Variants in UNC5A observed in about 807,000 individuals in gnomAD.
UNC5A encodes unc-5 netrin receptor A.
A neutral mutation model predicts 87.4 loss-of-function variants in UNC5A; 20 were observed. The ratio of observed to expected loss-of-function variants is 0.23; its 90% confidence interval spans 0.16 to 0.33. The LOEUF is 0.33. Ranked by LOEUF, UNC5A falls within the 10% of genes least tolerant of loss-of-function variation. The pLI is 1.00. For synonymous variants in UNC5A, 438 were observed against 482.3 expected (o/e 0.91, Z 1.20); for missense variants, 844 against 1,133.4 (o/e 0.74, Z 3.67).
chr5:176,816,013 G>A (rs1328722913), intron 1 of UNC5A, among the ~76,000 whole-genome samples: 1 of 152,234 alleles, frequency 6.6e-6, no homozygotes, highest in Admixed American at 6.5e-5. Flanking sequence ...TGAGCAGAAC[G>A]AAATTCTAGT....
Position 176,848,817 on chromosome 5 carries a change from G to A in UNC5A, c.71-13807G>A, listed in dbSNP as rs374196555. Among the ~76,000 whole-genome samples the A allele has an allele frequency of 1.7e-4, 26 of 152,296 alleles. No individual in the cohort carries two copies. The highest frequency in any genetic ancestry group is 2.9e-4 in the Non-Finnish European group (20 of 68,024). On this transcript the variant is annotated intron_variant, in intron 1 of 14. Transcript: ENST00000329542. The surrounding 1 kb of genome is among the most constrained non-coding windows in gnomAD (Gnocchi z 5.8). ...TGGGCAGCCGCGGCCTGGGCCCTGC[G>A]CGTCTCGGGATTGCAGCTTCTCCCC...
intron 1 of UNC5A, among the ~76,000 whole-genome samples, chr5:176,852,061 CG>C (rs2113636995): frequency 6.6e-6 from 1 of 152,310 alleles, no homozygotes; most frequent in African/African-American, 2.4e-5. Context: ...AGCGCCCTGC[CG>C]GCTACCCTCT....
rs144742830 is a variant in UNC5A, at chr5:176,865,098, C to T, written c.292+2253C>T. ...GGGGGAAGCCATGAAATCTCACGTG[C>T]CCAGTCAGGACCCAGCACGGGGCCT... On this transcript the variant is annotated intron_variant, in intron 2 of 14. Coordinates refer to ENST00000329542, the MANE Select transcript of UNC5A (RefSeq NM_133369.3). This position sits in a 1 kb window ranked among gnomAD's most constrained non-coding sequence, Gnocchi z 5.3. The T allele has an allele frequency of 5.3e-3, 1,769 of 333,144 alleles. 26 individuals are homozygous for T. Among genetic ancestry groups the T allele is most frequent in the African/African-American group, 0.034 (1,551 of 45,630 alleles). 20.6% of individuals were successfully genotyped at this position (333,144 alleles called of 1,614,324 possible). A position where few individuals can be genotyped will look rare whatever the true frequency, so the allele number is the denominator to read the frequency against.
At chr5:176,832,393 G>A (rs974948335) in intron 1 of UNC5A, among the ~76,000 whole-genome samples, 7 of 152,182 alleles carry the variant, frequency 4.6e-5, no homozygotes, top group African/African-American at 1.2e-4. Context: ...CAAAGTCCAC[G>A]CCTGATCCAA....
chr5:176,812,961 G>GT (rs1440423914), intron 1 of UNC5A, among the ~76,000 whole-genome samples: 1 of 152,220 alleles, frequency 6.6e-6, no homozygotes, highest in Non-Finnish European at 1.5e-5. Context: ...GGTGAAAAAT[G>GT]TGTCTGTGAG....
intron 2 of UNC5A, among the ~76,000 whole-genome samples, chr5:176,864,294 C>T (rs1053775745): frequency 1.3e-5 from 2 of 152,184 alleles, no homozygotes; most frequent in African/African-American, 2.4e-5. Context: ...GGAGCGAGAG[C>T]GAACCCCGGG....
chr5:176,854,446 T>C (rs1757620332), intron 1 of UNC5A, among the ~76,000 whole-genome samples: 1 of 152,170 alleles, frequency 6.6e-6, no homozygotes, highest in African/African-American at 2.4e-5. Flanking sequence ...CAGGGAGTGC[T>C]CAGCCCCACT....
At position 176,877,894 on chromosome 5, in the gene UNC5A, G is replaced by A. The variant is rs1419838424; in HGVS notation, c.1636G>A (p.Asp546Asn). ...TTGACCCACTGACCCCTGCCCACAG[G>A]ATGTGCTGCACCTGGGCGAGGAGGC... ...KKQSCEGSWEDVLHLGEEAPS... is the reference protein window; with the variant it reads ...KKQSCEGSWENVLHLGEEAPS... The change falls in exon 11 of 15, where the codon GAT (aspartate) becomes AAT (asparagine). Residue 546 changes from aspartate to asparagine, a missense_variant and splice_region_variant. Coordinates refer to ENST00000329542, the MANE Select transcript of UNC5A (RefSeq NM_133369.3). The A allele has an allele frequency of 6.3e-7, 1 of 1,599,240 alleles. No homozygotes were observed. Among genetic ancestry groups the A allele is most frequent in the Non-Finnish European group, 8.5e-7 (1 of 1,177,512 alleles).
chr5:176,847,242 T>A (rs1561653069), intron 1 of UNC5A, among the ~76,000 whole-genome samples: 2 of 152,150 alleles, frequency 1.3e-5, no homozygotes, highest in Non-Finnish European at 2.9e-5. Flanking sequence ...CCCGTTCCCA[T>A]CCAGCGCGTG....
intron 1 of UNC5A, among the ~76,000 whole-genome samples, chr5:176,855,572 A>G (rs1000837034): frequency 1.3e-5 from 2 of 152,216 alleles, no homozygotes; most frequent in African/African-American, 4.8e-5. Flanking sequence ...CTGGGACAGA[A>G]CACGCAGAAC....
At chr5:176,840,613 C>T (rs534735920) in intron 1 of UNC5A, among the ~76,000 whole-genome samples, 50 of 152,190 alleles carry the variant, frequency 3.3e-4, no homozygotes, top group Non-Finnish European at 5.4e-4. Flanking sequence ...ATGTGAGGGC[C>T]GGGGACCCTC....
chr5:176,829,469 G>A (rs1162901959), intron 1 of UNC5A, among the ~76,000 whole-genome samples: 1 of 149,964 alleles, frequency 6.7e-6, no homozygotes, highest in African/African-American at 2.5e-5. Flanking sequence ...TGGTTGGGTG[G>A]GTGGGTGGAT....
chr5:176,836,556 C>T (rs959913783), intron 1 of UNC5A, among the ~76,000 whole-genome samples: 2 of 151,832 alleles, frequency 1.3e-5, no homozygotes, highest in African/African-American at 2.4e-5. Context: ...GAAAGAGTTG[C>T]GATGAGAAGG....
intron 6 of UNC5A, among the ~76,000 whole-genome samples, chr5:176,870,880 A>G (rs1262421629): frequency 3.8e-5 from 5 of 133,126 alleles, no homozygotes; most frequent in African/African-American, 1.5e-4. Flanking sequence ...CCATCTGCCC[A>G]CGCTCACCCC....
chr5:176,862,458 G>C (rs1757863915), intron 1 of UNC5A, among the ~76,000 whole-genome samples, 166 bp from the exon 2 acceptor site: 1 of 152,206 alleles, frequency 6.6e-6, no homozygotes, highest in Admixed American at 6.5e-5. Context: ...GGAGGCCCGG[G>C]TGGGGGATGG....
Position 176,870,000 on chromosome 5 carries a change from GGGTGTGA to G in UNC5A, c.722-366_722-360del, listed in dbSNP as rs766522862. Reference sequence around the variant, plus strand: ...GGCTCAACATAGGGTGTAAGTCACAGGGTGTGAGGTACAGTTTGACAGGGTCTAGGGC... The same window carrying G: ...GGCTCAACATAGGGTGTAAGTCACAGGGTACAGTTTGACAGGGTCTAGGGC... On this transcript the variant is annotated intron_variant, in intron 5 of 14. Transcript: ENST00000329542. This position sits in a 1 kb window ranked among gnomAD's most constrained non-coding sequence, Gnocchi z 9.1. Among the ~76,000 whole-genome samples, 26 of 152,350 alleles carry G rather than the reference GGGTGTGA, an allele frequency of 1.7e-4. No homozygotes were observed. Among genetic ancestry groups the G allele is most frequent in the Non-Finnish European group, 3.5e-4 (24 of 68,026 alleles).
intron 1 of UNC5A, among the ~76,000 whole-genome samples, chr5:176,816,856 C>T (rs1359922504): frequency 1.3e-5 from 2 of 152,226 alleles, no homozygotes; most frequent in East Asian, 1.9e-4. Context: ...TTGTGGAAGA[C>T]GGAGCGACTG....
chr5:176,873,007 T>C (rs4976629), intron 6 of UNC5A, among the ~76,000 whole-genome samples: 1,642 of 6,460 alleles, frequency 0.25, 609 homozygotes, highest in Non-Finnish European at 0.39. Context: ...AACACCACAG[T>C]TTCCCATCTG....
intron 1 of UNC5A, among the ~76,000 whole-genome samples, chr5:176,852,703 C>A (rs142304208): frequency 6.6e-6 from 1 of 152,246 alleles, no homozygotes; most frequent in African/African-American, 2.4e-5. Context: ...CCCGTCCCCC[C>A]ATCACAGCAC....
Sources: gnomAD v4.1 joint callset for allele counts (sites outside exome capture counted in the v4.1 genomes callset) on GRCh38, gnomAD v4.1.1 for gene constraint, Gnocchi (gnomAD v3.1) non-coding constraint, MANE v1.5 for transcripts, NCBI Gene and HGNC (gene_info 2026-07-23, HGNC 2026-07-21) for gene names.